Variants in CFAP57 observed in about 807,000 individuals in gnomAD.
CFAP57 encodes the protein cilia and flagella associated protein 57.
Under a neutral mutation model 146.8 loss-of-function variants are expected in CFAP57, and 116 were observed. That is an observed-to-expected ratio of 0.79 (90% CI 0.68 to 0.92). The LOEUF (loss-of-function observed/expected upper bound fraction) is 0.92. CFAP57 is among the 40% of genes least tolerant of loss of function. The pLI is 0.00. For missense variants in CFAP57, 1,377 were observed against 1,527.2 expected (o/e 0.90, Z 1.64); for synonymous variants, 518 against 552.8 (o/e 0.94, Z 0.88).
intron 11 of CFAP57, 157 bp downstream of exon 11, chr1:43,210,073 C>T: frequency 6.2e-7 from 1 of 1,613,950 alleles, no homozygotes; most frequent in Non-Finnish European, 8.5e-7. Flanking sequence ...TATGAATATA[C>T]TCTTTGTTTA....
In CFAP57 at chr1:43,210,112, A is replaced by G. The variant is rs1468623875; in HGVS notation, c.1929+196A>G. The stretch of plus-strand genomic sequence containing the variant: ...TACTTCCAGGAATTTAGCCTAGGAA[A>G]TCATCAGAGATACACCTAAAAATGT... On this transcript the variant is annotated intron_variant, in intron 11 of 22. Coordinates refer to ENST00000372492, the MANE Select transcript of CFAP57 (RefSeq NM_001378189.1). 2.5e-6 allele frequency: 4 copies of G among 1,611,540 alleles called. No homozygotes were observed. In the African/African-American group the frequency reaches 4.0e-5, roughly 16 times the overall value.
rs751489910 is a variant in CFAP57 at position 43,222,851 on chromosome 1, C to T, written c.2560C>T (p.Arg854Trp). 1.2e-5 allele frequency: 19 copies of T among 1,547,426 alleles called. No individual in the cohort carries two copies. The South Asian group carries it at 1.4e-4, about 12-fold the overall frequency. The change falls in exon 16 of 23, where the codon CGG becomes TGG. Residue 854 changes from arginine (R) to tryptophan (W), a missense_variant. Coordinates refer to ENST00000372492, the MANE Select transcript of CFAP57 (RefSeq NM_001378189.1). ...ACAGGAAGACGTCAGGCAGCAGCTG[C>T]GGGAGTTTGAAGAGACCAAGAAGCA... is the stretch of plus-strand genomic sequence containing the variant. ...EAQEDVRQQL[R>W]EFEETKKQIE...
At chr1:43,234,661 C>G (rs1222442977) in intron 21 of CFAP57, 23 bp downstream of exon 21, 7 of 1,534,094 alleles carry the variant, frequency 4.6e-6, no homozygotes, top group Middle Eastern at 2.0e-4. Flanking sequence ...TCCCCTCAGC[C>G]CCTGTGGAGG....
chr1:43,241,166 G>A (rs761947054), intron 21 of CFAP57, among the ~76,000 whole-genome samples: 3 of 152,150 alleles, frequency 2.0e-5, no homozygotes, highest in Non-Finnish European at 4.4e-5. Context: ...ACTAGTTCTT[G>A]CAGGAACGAA....
At chr1:43,197,524 C>T (rs763862801) in intron 6 of CFAP57, 29 bp from the exon 7 acceptor site, 13 of 1,613,944 alleles carry the variant, frequency 8.1e-6, no homozygotes, top group African/African-American at 4.0e-5. Context: ...GCTTACTCTG[C>T]GGGATCTTGT....
chr1:43,217,992 CCT>C (rs756747817), intron 12 of CFAP57, among the ~76,000 whole-genome samples: 6 of 152,196 alleles, frequency 3.9e-5, no homozygotes, highest in African/African-American at 1.4e-4. Context: ...CCTGCTCCAT[CCT>C]CTCTGACTTT....
rs1247794605 is a variant in CFAP57 at position 43,204,096 on chromosome 1, C to T, written c.1543-2624C>T. ...TATTGAGCTATTTCAAGTTTGCCAG[C>T]TCAAATCTACTGTTGAGCCTTCCAG... On this transcript the variant is annotated intron_variant, in intron 9 of 22. Transcript: ENST00000372492. Among the ~76,000 whole-genome samples, 5 of 152,172 alleles carry T rather than the reference C, an allele frequency of 3.3e-5. No individual in the cohort carries two copies. In the East Asian group the frequency reaches 5.8e-4, roughly 18 times the overall value.
At chr1:43,209,710 C>A (rs566306937) in intron 10 of CFAP57, 33 bp from the exon 11 acceptor site, 26 of 1,602,310 alleles carry the variant, frequency 1.6e-5, no homozygotes, top group Non-Finnish European at 2.0e-5. Context: ...ACAGCTCGAC[C>A]CCTCACACTG....
intron 14 of CFAP57, among the ~76,000 whole-genome samples, chr1:43,221,722 G>C (rs985601541): frequency 4.7e-4 from 71 of 152,182 alleles, no homozygotes; most frequent in African/African-American, 1.6e-3. Flanking sequence ...GTCTTGCCTT[G>C]GGTCCCAGGC....
chr1:43,254,262 C>G lies in CFAP57; in HGVS notation c.*71C>G. ...CATGTCTGTCCCCAAGCCAGACTTG[C>G]GGTTGGAGTCTGTATGGTCCCTGCA... On this transcript the variant is annotated 3_prime_UTR_variant, in exon 23 of 23. Coordinates refer to ENST00000372492, the MANE Select transcript of CFAP57 (RefSeq NM_001378189.1). 1.4e-6 allele frequency: 2 copies of G among 1,382,172 alleles called. No individual in the cohort carries two copies. The highest frequency in any genetic ancestry group is 2.8e-5 in the South Asian group (2 of 70,924). 85.6% of individuals were successfully genotyped at this position (1,382,172 alleles called of 1,614,324 possible). A position where few individuals can be genotyped will look rare whatever the true frequency, so the allele number is the denominator to read the frequency against.
In CFAP57 at chr1:43,172,351, T is replaced by C. The variant is rs1010091192; in HGVS notation, c.-122T>C. 1.3e-5 allele frequency: 20 copies of C among 1,551,426 alleles called. No individual in the cohort carries two copies. Among genetic ancestry groups the C allele is most frequent in the Non-Finnish European group, 1.7e-5 (19 of 1,146,974 alleles). ...CCATACTTCCGGTTTGTCGTTGCTA[T>C]AGGAACCGCTACGGCGTTTGAAAGT... On this transcript the variant is annotated 5_prime_UTR_variant, in exon 1 of 23. Transcript: ENST00000372492.
At chr1:43,187,944 C>T (rs1643255449) in intron 6 of CFAP57, among the ~76,000 whole-genome samples, 1 of 152,132 alleles carries the variant, frequency 6.6e-6, no homozygotes, top group Admixed American at 6.6e-5. Context: ...GTTAGGACTA[C>T]AGGTGCACGC....
chr1:43,215,550 A>G (rs1448894115), intron 12 of CFAP57, 134 bp downstream of exon 12: 1 of 1,045,726 alleles, frequency 9.6e-7, no homozygotes. Context: ...CTCCCTGCAC[A>G]TCTGCTGTCC....
rs1477249261 is a variant in CFAP57, at chr1:43,248,299, T to TG, written c.3538+4940_3538+4941insG. Among the ~76,000 whole-genome samples, 18 of 151,368 alleles carry TG rather than the reference T, an allele frequency of 1.2e-4. No individual in the cohort carries two copies. The East Asian group carries it at 2.3e-3, about 20-fold the overall frequency. Reference sequence around the variant, plus strand: ...TTTCTTCACATCTCTCTCCCCTACATTGTTTCATAAAAAAATTTTCTTTTT... The same window carrying TG: ...TTTCTTCACATCTCTCTCCCCTACATGTGTTTCATAAAAAAATTTTCTTTTT... On this transcript the variant is annotated intron_variant, in intron 22 of 22. Transcript: ENST00000372492.
rs554748623 is a variant in CFAP57, at chr1:43,222,161, C to T, written c.2398C>T (p.Leu800Phe). Residue 800 changes from leucine to phenylalanine, a missense_variant, in exon 15 of 23, where the codon CTC becomes TTC. Transcript: ENST00000372492. ...ATATGAGAAGTACCAGGAGCTGCAG[C>T]TCAAGTCCCAGAGGATGCAGGAAGA... ...LEYEKYQELQ[L>F]KSQRMQEEYE... 2 of 1,548,292 alleles carry T rather than the reference C, an allele frequency of 1.3e-6. No homozygotes were observed. The highest frequency in any genetic ancestry group is 1.7e-6 in the Non-Finnish European group (2 of 1,145,624).
intron 10 of CFAP57, among the ~76,000 whole-genome samples, chr1:43,208,826 G>C (rs1644471631): frequency 6.6e-6 from 1 of 150,872 alleles, no homozygotes; most frequent in East Asian, 2.0e-4. Context: ...AAAAATATGT[G>C]TGTAGGTGGG....
At chr1:43,241,487 C>T (rs566246062) in intron 21 of CFAP57, among the ~76,000 whole-genome samples, 4 of 152,164 alleles carry the variant, frequency 2.6e-5, no homozygotes, top group South Asian at 2.1e-4. Context: ...AGCAGAGGAC[C>T]GTTTGTCACA....
chr1:43,208,353 A>G (rs1644444756), intron 10 of CFAP57, among the ~76,000 whole-genome samples: 1 of 152,200 alleles, frequency 6.6e-6, no homozygotes, highest in Non-Finnish European at 1.5e-5. Flanking sequence ...ATGCACACGT[A>G]TGTTTATTGT....
At chr1:43,232,413 A>G (rs1645508832) in intron 18 of CFAP57, 95 bp from the exon 19 acceptor site, 15 of 980,080 alleles carry the variant, frequency 1.5e-5, no homozygotes, top group Non-Finnish European at 2.2e-5. Context: ...CCCGGGTGTC[A>G]GGGGTGGCAT....
Sources: gnomAD v4.1 joint callset for allele counts (sites outside exome capture counted in the v4.1 genomes callset) on GRCh38, gnomAD v4.1.1 for gene constraint, MANE v1.5 for transcripts, NCBI Gene and HGNC (gene_info 2026-07-23, HGNC 2026-07-21) for gene names.